The following ANKRD11 variants were observed in gnomAD, a reference collection of about 807,000 sequenced individuals.
ANKRD11 encodes ankyrin repeat domain-containing protein 11.
ANKRD11 carries 17 observed loss-of-function variants against 195.7 expected under a neutral mutation model. That is an observed-to-expected ratio of 0.09 (90% CI 0.06 to 0.13). ANKRD11 has a LOEUF of 0.13. ANKRD11 is among the 10% of genes least tolerant of loss of function. ANKRD11 has a pLI of 1.00. For missense variants in ANKRD11, 3,735 were observed against 3,566.1 expected, an observed-to-expected ratio of 1.05 and a Z score of -1.21; for synonymous variants, 1,953 against 1,528.1, an observed-to-expected ratio of 1.28 and a Z score of -6.49.
At chr16:89,320,267 T>C (rs1179522902) in intron 2 of ANKRD11, 1 of 152,152 alleles carries the variant, frequency 6.6e-6, no homozygotes, top group Non-Finnish European at 1.5e-5. Flanking sequence ...AGGCACCGGG[T>C]CTCACTCCCG....
Position 89,289,622 on chromosome 16 carries a change from C to G in ANKRD11, c.602-952G>C, listed in dbSNP as rs901939353. ...CAGGGTGTCGACCCAGCCGGCCTCC[C>G]GGCTCAGAGGTGCCCTCTGCTGGAG... On this transcript the variant is annotated intron_variant, in intron 6 of 12. Transcript: ENST00000301030. Among the ~76,000 whole-genome samples the G allele has an allele frequency of 2.6e-5, 4 of 152,212 alleles. No individual in the cohort carries two copies. The East Asian group carries it at 5.8e-4, about 22-fold the overall frequency.
chr16:89,350,832 T>C (rs2039179092), intron 2 of ANKRD11, among the ~76,000 whole-genome samples: 1 of 152,182 alleles, frequency 6.6e-6, no homozygotes, highest in Admixed American at 6.5e-5. Context: ...GATGGTGGTA[T>C]GTGCTACCAT....
intron 2 of ANKRD11, among the ~76,000 whole-genome samples, chr16:89,374,959 T>C (rs1409024736): frequency 1.3e-5 from 2 of 152,180 alleles, no homozygotes; most frequent in African/African-American, 4.8e-5. Context: ...GTCATGAATG[T>C]ACAAAATATA....
intron 2 of ANKRD11, among the ~76,000 whole-genome samples, chr16:89,361,291 C>A (rs776372148): frequency 1.3e-5 from 2 of 152,220 alleles, no homozygotes; most frequent in Non-Finnish European, 2.9e-5. Context: ...ACAGGCCTTC[C>A]TTGGCCTCAG....
In ANKRD11 at chr16:89,279,419, C is replaced by T. The variant is rs1219555844; in HGVS notation, c.7123G>A (p.Glu2375Lys). 1.3e-6 allele frequency: 2 copies of T among 1,527,628 alleles called. No homozygotes were observed. The highest frequency in any genetic ancestry group is 2.5e-5 in the East Asian group (1 of 40,778). The allele number at this position is 1,527,628 out of a possible 1,614,324, so 94.6% of individuals were successfully genotyped here. ...PVTRAKARGS[E>K]DDDAQAQHPR... ...TGCTGGGCCTGGGCGTCGTCGTCCT[C>T]GGAGCCGCGGGCCTTGGCCCTGGTG... is the stretch of plus-strand genomic sequence containing the variant. Residue 2375 changes from glutamate to lysine, a missense_variant, in exon 9 of 13, where the codon GAG becomes AAG. Transcript: ENST00000301030. The surrounding 1 kb of genome is among the most constrained non-coding windows in gnomAD (Gnocchi z 5.6).
At chr16:89,288,267 A>G (rs2034790487) in intron 7 of ANKRD11, 1 of 641,552 alleles carries the variant, frequency 1.6e-6, no homozygotes, top group South Asian at 1.8e-5. Context: ...CTCAAATCCA[A>G]CCAGACCTAC....
At chr16:89,473,873 G>A (rs1385214780) in intron 1 of ANKRD11, among the ~76,000 whole-genome samples, 1 of 152,168 alleles carries the variant, frequency 6.6e-6, no homozygotes, top group Non-Finnish European at 1.5e-5. Flanking sequence ...ACAATGGAAT[G>A]GCTTTCCCTT....
At chr16:89,399,191 C>CA (rs1241283143) in intron 2 of ANKRD11, among the ~76,000 whole-genome samples, 1 of 152,150 alleles carries the variant, frequency 6.6e-6, no homozygotes, top group African/African-American at 2.4e-5. Context: ...CAAGACAAGT[C>CA]AGAGGCAGAA....
intron 1 of ANKRD11, among the ~76,000 whole-genome samples, chr16:89,457,012 T>A (rs1211391329): frequency 6.9e-6 from 1 of 145,482 alleles, no homozygotes; most frequent in African/African-American, 2.6e-5. Context: ...CAGGCTGGAG[T>A]GCAGTGGCGC....
intron 2 of ANKRD11, among the ~76,000 whole-genome samples, chr16:89,382,763 A>G (rs2040718119): frequency 6.6e-6 from 1 of 152,190 alleles, no homozygotes; most frequent in African/African-American, 2.4e-5. Flanking sequence ...TATAGGTGTG[A>G]GTCAACTGTG....
intron 1 of ANKRD11, among the ~76,000 whole-genome samples, chr16:89,424,783 C>T (rs1297797230): frequency 1.8e-4 from 28 of 152,098 alleles, no homozygotes; most frequent in Admixed American, 1.1e-3. Context: ...GGCAAAGGGC[C>T]GATCCTTGCG....
intron 3 of ANKRD11, among the ~76,000 whole-genome samples, chr16:89,314,043 G>C (rs1341636727): frequency 6.6e-6 from 1 of 152,180 alleles, no homozygotes; most frequent in East Asian, 1.9e-4. Context: ...TGGCAACATG[G>C]TAAGATCTCG....
intron 2 of ANKRD11, among the ~76,000 whole-genome samples, chr16:89,368,351 C>T (rs369236067): frequency 2.7e-5 from 4 of 147,596 alleles, no homozygotes; most frequent in South Asian, 2.2e-4. Context: ...TGCCTGCTGC[C>T]GTGCCTGGCT....
At chr16:89,399,564 C>G (rs2041607129) in intron 2 of ANKRD11, among the ~76,000 whole-genome samples, 1 of 152,152 alleles carries the variant, frequency 6.6e-6, no homozygotes, top group South Asian at 2.1e-4. Flanking sequence ...TGAAACTACT[C>G]TGTATGATAC....
At chr16:89,278,142 C>T (rs1277020362) in intron 9 of ANKRD11, 2 of 276,050 alleles carry the variant, frequency 7.2e-6, no homozygotes, top group Non-Finnish European at 7.1e-6. Flanking sequence ...GAGGAGACTC[C>T]AGGGAAGAGC....
intron 3 of ANKRD11, among the ~76,000 whole-genome samples, chr16:89,315,625 C>G (rs570643743): frequency 9.9e-5 from 15 of 152,236 alleles, no homozygotes; most frequent in African/African-American, 3.6e-4. Context: ...GCCATGGAAC[C>G]CACCCAGCCC....
Position 89,281,035 on chromosome 16 carries a change from G to A in ANKRD11, c.5507C>T (p.Pro1836Leu), listed in dbSNP as rs762090938. 1.1e-5 allele frequency: 18 copies of A among 1,599,974 alleles called. No homozygotes were observed. In the South Asian group the frequency reaches 1.4e-4, roughly 13 times the overall value. Residue 1836 changes from proline to leucine, a missense_variant, in exon 9 of 13, where the codon CCC (proline) becomes CTC (leucine). Physicochemically the swap from Pro to Leu is moderately conservative, Grantham distance 98 (BLOSUM62 -3). Coordinates refer to ENST00000301030, the MANE Select transcript of ANKRD11 (RefSeq NM_013275.6). The surrounding 1 kb of genome is among the most constrained non-coding windows in gnomAD (Gnocchi z 5.5). ...GGCAAACTTCTCCGCGGGAACCGGG[G>A]GCAGGGGCGCCCTGTCTTCCATCGA... ...PPSMEDRAPL[P>L]PVPAEKFACL... is the part of the protein sequence containing the mutation.
At chr16:89,376,509 C>T (rs1273245820) in intron 2 of ANKRD11, among the ~76,000 whole-genome samples, 5 of 152,206 alleles carry the variant, frequency 3.3e-5, no homozygotes, top group Non-Finnish European at 7.3e-5. Flanking sequence ...ATGATCTCAG[C>T]TCACTGCAAC....
At chr16:89,418,974 G>A (rs867668981) in intron 1 of ANKRD11, among the ~76,000 whole-genome samples, 5 of 151,946 alleles carry the variant, frequency 3.3e-5, no homozygotes, top group African/African-American at 2.4e-5. Flanking sequence ...CAATCACCTC[G>A]GCCTTCCAAA....
Sources: gnomAD v4.1 joint callset for allele counts (sites outside exome capture counted in the v4.1 genomes callset) on GRCh38, gnomAD v4.1.1 for gene constraint, Gnocchi (gnomAD v3.1) non-coding constraint, MANE v1.5 for transcripts, NCBI Gene and HGNC (gene_info 2026-07-23, HGNC 2026-07-21) for gene names.